The following HDHD5 variants were observed in gnomAD, a reference collection of about 807,000 sequenced individuals.
HDHD5 encodes the protein haloacid dehalogenase like hydrolase domain containing 5.
Under a neutral mutation model 35.5 loss-of-function variants are expected in HDHD5, and 34 were observed. That is an observed-to-expected ratio of 0.96 (90% confidence interval 0.73 to 1.28). The LOEUF (loss-of-function observed/expected upper bound fraction) is 1.28, where lower values mean the gene tolerates loss of function less well. Ranked by LOEUF, HDHD5 falls within the 50% of genes most tolerant of loss-of-function variation. The pLI, the probability that HDHD5 is intolerant of heterozygous loss-of-function variation, is 0.00. For synonymous variants in HDHD5, 248 were observed against 240.6 expected (o/e 1.03, Z -0.29); for missense variants, 589 against 560.2 (o/e 1.05, Z -0.52).
At chr22:17,148,214 T>C (rs1403242761) in intron 3 of HDHD5, among the ~76,000 whole-genome samples, 3 of 152,180 alleles carry the variant, frequency 2.0e-5, no homozygotes, top group Non-Finnish European at 2.9e-5. Context: ...CCCTGGGATC[T>C]GTATTTTAAG....
At position 17,149,756 on chromosome 22, in the gene HDHD5, G is replaced by A. The variant is rs757973898; in HGVS notation, c.127-11C>T. ...AAAGGTGGGTGGGCTCTGCAGAGAT[G>A]GTAAGATAATTACCAGTACGTGAGT... On this transcript the variant is annotated splice_polypyrimidine_tract_variant and intron_variant, in intron 1 of 7. Transcript: ENST00000336737. The A allele has an allele frequency of 3.1e-6, 5 of 1,612,744 alleles. No homozygotes were observed. In the South Asian group the frequency reaches 5.5e-5, roughly 18 times the overall value.
intron 6 of HDHD5, among the ~76,000 whole-genome samples, chr22:17,140,165 T>A (rs2061583772): frequency 6.6e-6 from 1 of 152,216 alleles, no homozygotes; most frequent in Non-Finnish European, 1.5e-5. Context: ...TGACGAGCAC[T>A]GTCGACTGGG....
intron 4 of HDHD5, 122 bp from the exon 5 acceptor site, chr22:17,143,253 G>GA: frequency 9.6e-7 from 1 of 1,045,002 alleles, no homozygotes; most frequent in Non-Finnish European, 1.3e-6. Context: ...CCACACCCGT[G>GA]GTCAAGCCCA....
At chr22:17,163,840 T>C (rs903092047), upstream of HDHD5, among the ~76,000 whole-genome samples, 4 of 152,206 alleles carry the variant, frequency 2.6e-5, no homozygotes, top group African/African-American at 9.7e-5. Flanking sequence ...GACTCTAAGC[T>C]GCTTGAGGGC....
chr22:17,144,591 T>G (rs1433656679), intron 4 of HDHD5, among the ~76,000 whole-genome samples: 1 of 152,100 alleles, frequency 6.6e-6, no homozygotes, highest in African/African-American at 2.4e-5. Context: ...TTTTTGTATT[T>G]TTAGTAGAGA....
intron 4 of HDHD5, among the ~76,000 whole-genome samples, chr22:17,143,869 CACAG>C (rs1471498559): frequency 1.3e-5 from 2 of 152,354 alleles, no homozygotes; most frequent in East Asian, 1.9e-4. Flanking sequence ...CTATGTGATA[CACAG>C]ACGGTGCGAT....
intron 4 of HDHD5, 148 bp from the exon 5 acceptor site, chr22:17,143,279 G>A: frequency 2.7e-6 from 2 of 744,410 alleles, no homozygotes; most frequent in Non-Finnish European, 4.1e-6. Context: ...AGGGAAAGCT[G>A]GAGAGGACTG....
chr22:17,151,746 A>G (rs937426420), intron 1 of HDHD5, among the ~76,000 whole-genome samples: 1 of 129,380 alleles, frequency 7.7e-6, no homozygotes, highest in Non-Finnish European at 1.8e-5. Flanking sequence ...AAAAAAAAAA[A>G]AAAAAAGAAG....
intron 1 of HDHD5, among the ~76,000 whole-genome samples, chr22:17,157,427 A>G (rs1301166399): frequency 6.6e-6 from 1 of 152,006 alleles, no homozygotes; most frequent in Non-Finnish European, 1.5e-5. Flanking sequence ...TCCATTACAT[A>G]GATGGGGAAA....
At chr22:17,161,387 T>G (rs2061862968), upstream of HDHD5, among the ~76,000 whole-genome samples, 1 of 151,306 alleles carries the variant, frequency 6.6e-6, no homozygotes, top group Admixed American at 6.6e-5. Flanking sequence ...GGTGAAACTC[T>G]GTCTCTACTA....
chr22:17,153,842 C>T (rs1304769629), intron 1 of HDHD5, among the ~76,000 whole-genome samples: 5 of 152,096 alleles, frequency 3.3e-5, no homozygotes, highest in Admixed American at 1.3e-4. Flanking sequence ...CACCCTATCC[C>T]TTTCTGAAGG....
Position 17,137,768 on chromosome 22 carries a change from A to G in HDHD5, c.*253T>C, listed in dbSNP as rs1362974116. 3 of 482,344 alleles carry G rather than the reference A, an allele frequency of 6.2e-6. No homozygotes were observed. Among genetic ancestry groups the G allele is most frequent in the African/African-American group, 5.8e-5 (3 of 51,726 alleles). The allele number at this position is 482,344 out of a possible 1,614,324, so 29.9% of individuals were successfully genotyped here. ...GCACACAGGGGAAGAGAATGGCCTG[A>G]GGTTAGACTGCCACGAAAGGCACGT... On this transcript the variant is annotated 3_prime_UTR_variant, in exon 8 of 8. Coordinates refer to ENST00000336737, the MANE Select transcript of HDHD5 (RefSeq NM_033070.3).
upstream of HDHD5, among the ~76,000 whole-genome samples, chr22:17,162,750 G>T (rs1382116324): frequency 6.6e-6 from 1 of 152,214 alleles, no homozygotes; most frequent in Non-Finnish European, 1.5e-5. Flanking sequence ...GGCTTGCCAT[G>T]TTAAAGAGTT....
intron 1 of HDHD5, among the ~76,000 whole-genome samples, chr22:17,155,259 T>C (rs2061776422): frequency 6.6e-6 from 1 of 150,812 alleles, no homozygotes; most frequent in African/African-American, 2.5e-5. Context: ...TTTGGTTGGT[T>C]TTTTTTGAGA....
At chr22:17,148,427 G>A in intron 3 of HDHD5, 21 bp downstream of exon 3, 1 of 1,594,682 alleles carries the variant, frequency 6.3e-7, no homozygotes, top group Non-Finnish European at 8.6e-7. Context: ...CCTTCAGCCA[G>A]AGTTAAGACC....
At chr22:17,154,395 C>T (rs1326479858) in intron 1 of HDHD5, among the ~76,000 whole-genome samples, 1 of 146,636 alleles carries the variant, frequency 6.8e-6, no homozygotes, top group Non-Finnish European at 1.5e-5. Context: ...GGCAGAATTG[C>T]TTGAACTCGG....
chr22:17,154,730 C>T (rs192316427), intron 1 of HDHD5, among the ~76,000 whole-genome samples: 43 of 151,614 alleles, frequency 2.8e-4, no homozygotes, highest in Admixed American at 2.4e-3. Flanking sequence ...TCAAAGGATC[C>T]TCCTGCTTCA....
rs2061551748 is a variant in HDHD5, at chr22:17,137,940, G to A, written c.*81C>T. The A allele has an allele frequency of 5.0e-6, 6 of 1,207,324 alleles. No homozygotes were observed. The highest frequency in any genetic ancestry group is 2.3e-5 in the Admixed American group (1 of 43,564). 74.8% of individuals were successfully genotyped at this position (1,207,324 alleles called of 1,614,324 possible). A position where few individuals can be genotyped will look rare whatever the true frequency, so the allele number is the denominator to read the frequency against. ...GCAAGGGAACCAAGCCCTGACCTGA[G>A]CCCAGTGATCAGGCCAGAGCCCAGC... On this transcript the variant is annotated 3_prime_UTR_variant, in exon 8 of 8. Transcript: ENST00000336737.
At chr22:17,153,221 C>A (rs1287489765) in intron 1 of HDHD5, among the ~76,000 whole-genome samples, 1 of 152,150 alleles carries the variant, frequency 6.6e-6, no homozygotes, top group Non-Finnish European at 1.5e-5. Context: ...CTCCAAATGG[C>A]CTTGCCTGGC....
Sources: gnomAD v4.1 joint callset for allele counts (sites outside exome capture counted in the v4.1 genomes callset) on GRCh38, gnomAD v4.1.1 for gene constraint, MANE v1.5 for transcripts, NCBI Gene and HGNC (gene_info 2026-07-23, HGNC 2026-07-21) for gene names.